Variants in CRISP1 observed in about 807,000 individuals in gnomAD.
CRISP1 encodes the protein cysteine-rich secretory protein 1.
A neutral mutation model predicts 33.1 loss-of-function variants in CRISP1; 44 were observed. That is an observed-to-expected ratio of 1.33 (90% CI 1.05 to 1.71). The LOEUF (loss-of-function observed/expected upper bound fraction) is 1.71, where lower values mean the gene tolerates loss of function less well. Ranked by LOEUF, CRISP1 falls within the 40% of genes most tolerant of loss-of-function variation. CRISP1 has a pLI of 0.00. For missense variants in CRISP1, 390 were observed against 301.2 expected (o/e 1.29, Z -2.18); for synonymous variants, 103 against 98.7 (o/e 1.04, Z -0.26).
chr6:49,864,260 A>G (rs1771736200), intron 1 of CRISP1, among the ~76,000 whole-genome samples: 1 of 152,142 alleles, frequency 6.6e-6, no homozygotes, highest in Non-Finnish European at 1.5e-5. Context: ...GTATACACAC[A>G]GTATAATTAA....
rs368458262 is a variant in CRISP1, at chr6:49,840,885, T to G, written c.533+13A>C. ...TTAGGGGGATATATATTTTAAAAAC[T>G]AATAATACATACTCATGACAATAGT... On this transcript the variant is annotated intron_variant, in intron 6 of 7. Transcript: ENST00000335847. The G allele has an allele frequency of 1.2e-4, 193 of 1,602,390 alleles. 1 individual carries two copies. The South Asian group carries it at 1.3e-3, about 10-fold the overall frequency.
chr6:49,877,054 G>C (rs1363754725), exon 1 of CRISP1: 1 of 151,734 alleles, frequency 6.6e-6, no homozygotes, highest in Non-Finnish European at 1.5e-5. Flanking sequence ...AAGAATAAAA[G>C]AATTATCTCA....
At chr6:49,841,019 AT>A in intron 5 of CRISP1, 24 bp from the exon 6 acceptor site, 6 of 1,555,706 alleles carry the variant, frequency 3.9e-6, no homozygotes, top group Non-Finnish European at 5.3e-6. Flanking sequence ...GAGTTGTTTT[AT>A]TACAGATTAA....
intron 2 of CRISP1, among the ~76,000 whole-genome samples, chr6:49,854,297 T>G (rs2127474782): frequency 6.6e-6 from 1 of 152,344 alleles, no homozygotes; most frequent in East Asian, 1.9e-4. Context: ...CATTATTTAC[T>G]TTTCATTTTG....
At chr6:49,843,949 G>A (rs1771075827) in intron 5 of CRISP1, among the ~76,000 whole-genome samples, 1 of 152,160 alleles carries the variant, frequency 6.6e-6, no homozygotes, top group Non-Finnish European at 1.5e-5. Context: ...GGCAGAAGTT[G>A]TGAATAACAA....
At position 49,872,581 on chromosome 6, in the gene CRISP1, G is replaced by C. The variant is rs1771950173; in HGVS notation, c.-3+4428C>G. ...CCATCCTGAATTAATTTTTGTATAAGGTGTAAGGAAGGGATCCAGTTTCAG... is the reference window on the plus strand; with the variant it reads ...CCATCCTGAATTAATTTTTGTATAACGTGTAAGGAAGGGATCCAGTTTCAG... On this transcript the variant is annotated intron_variant, in intron 1 of 7. Transcript: ENST00000505118. 3.3e-5 allele frequency among the ~76,000 whole-genome samples: 5 copies of C among 152,124 alleles called. No individual in the cohort carries two copies. In the South Asian group the frequency reaches 6.2e-4, roughly 19 times the overall value.
At chr6:49,863,813 T>TA (rs1360050912) in intron 1 of CRISP1, among the ~76,000 whole-genome samples, 1 of 152,224 alleles carries the variant, frequency 6.6e-6, no homozygotes, top group Non-Finnish European at 1.5e-5. Context: ...ACCAAAGAAT[T>TA]AACTCTACAA....
chr6:49,873,527 A>G (rs1771971163), intron 1 of CRISP1, among the ~76,000 whole-genome samples: 2 of 152,072 alleles, frequency 1.3e-5, no homozygotes, highest in Admixed American at 6.6e-5. Flanking sequence ...TACCTAGAGA[A>G]TATAATACTT....
At chr6:49,836,738 T>C (rs1770810839) in intron 7 of CRISP1, among the ~76,000 whole-genome samples, 1 of 152,180 alleles carries the variant, frequency 6.6e-6, no homozygotes, top group African/African-American at 2.4e-5. Context: ...ATTAAACTGA[T>C]TCACCTTCCA....
At chr6:49,844,363 T>C (rs1201549266) in intron 5 of CRISP1, among the ~76,000 whole-genome samples, 1 of 152,150 alleles carries the variant, frequency 6.6e-6, no homozygotes, top group Non-Finnish European at 1.5e-5. Flanking sequence ...ATGATAGAGA[T>C]ATTTCACTTC....
intron 7 of CRISP1, among the ~76,000 whole-genome samples, chr6:49,836,529 G>A (rs1292760430): frequency 6.6e-6 from 1 of 151,476 alleles, no homozygotes. Flanking sequence ...TAGTAGAGAC[G>A]GGGTTTCACC....
chr6:49,852,116 C>G lies in CRISP1; in HGVS notation c.80G>C (p.Arg27Thr), dbSNP rs762528316. ...GGTGACGAGCTTATTAAATTGGTCTCTAGCTGATTTCTTCTGTTACCAGAA... is the reference window on the plus strand; with the variant it reads ...GGTGACGAGCTTATTAAATTGGTCTGTAGCTGATTTCTTCTGTTACCAGAA... ...PMLSMKKKSARDQFNKLVTDL... is the reference protein window; with the variant it reads ...PMLSMKKKSATDQFNKLVTDL... Residue 27 changes from arginine (R) to threonine (T), a missense_variant, in exon 3 of 8, where the codon AGA (arginine) becomes ACA (threonine). By Grantham distance (71) the Arg-to-Thr change is moderately conservative. Coordinates refer to ENST00000335847, the MANE Select transcript of CRISP1 (RefSeq NM_001131.3). 3.1e-6 allele frequency: 5 copies of G among 1,610,952 alleles called. No homozygotes were observed. The highest frequency in any genetic ancestry group is 4.2e-6 in the Non-Finnish European group (5 of 1,178,994).
At chr6:49,844,622 C>G (rs1191631161) in intron 5 of CRISP1, among the ~76,000 whole-genome samples, 1 of 152,180 alleles carries the variant, frequency 6.6e-6, no homozygotes, top group African/African-American at 2.4e-5. Flanking sequence ...AGGGAAAAGG[C>G]TGCCCACAGA....
intron 5 of CRISP1, among the ~76,000 whole-genome samples, chr6:49,843,364 C>T (rs1413663810): frequency 6.6e-6 from 1 of 152,054 alleles, no homozygotes; most frequent in Admixed American, 6.6e-5. Context: ...GATTATGCCT[C>T]TTTTTTATAT....
chr6:49,868,646 A>T (rs9473679), upstream of CRISP1, among the ~76,000 whole-genome samples: 2,091 of 152,248 alleles, frequency 0.014, 46 homozygotes, highest in African/African-American at 0.045. Flanking sequence ...CTGTGGCTTT[A>T]TTCTAATTAT....
upstream of CRISP1, among the ~76,000 whole-genome samples, chr6:49,868,179 G>A (rs187060968): frequency 4.6e-3 from 694 of 152,212 alleles, 6 homozygotes; most frequent in African/African-American, 0.016. Flanking sequence ...AAAAGAATTT[G>A]GGAAGTGTTG....
intron 1 of CRISP1, among the ~76,000 whole-genome samples, chr6:49,860,412 T>C (rs948076356): frequency 6.6e-6 from 1 of 152,142 alleles, no homozygotes; most frequent in African/African-American, 2.4e-5. Context: ...TGAAATGATG[T>C]CAAGTATCTT....
chr6:49,848,077 G>T, intron 4 of CRISP1, 132 bp downstream of exon 4: 1 of 509,992 alleles, frequency 2.0e-6, no homozygotes, highest in South Asian at 3.5e-5. Context: ...ACAATTCACT[G>T]CCTTGTATGA....
intron 1 of CRISP1, among the ~76,000 whole-genome samples, chr6:49,873,709 G>A (rs1016969607): frequency 6.6e-6 from 1 of 151,976 alleles, no homozygotes; most frequent in African/African-American, 2.4e-5. Flanking sequence ...TATATTATTG[G>A]TGGTAAAATT....
Sources: allele counts gnomAD v4.1 joint callset (sites outside exome capture counted in the v4.1 genomes callset), GRCh38; gene constraint gnomAD v4.1.1; transcripts MANE v1.5; gene names NCBI Gene and HGNC (gene_info 2026-07-23, HGNC 2026-07-21).